SLC3A2: variants seen among roughly 807,000 people sequenced by gnomAD.
SLC3A2 encodes the protein solute carrier family 3 member 2.
In SLC3A2, 32 loss-of-function variants were observed where a neutral mutation model predicts 48.5. That is an observed-to-expected ratio of 0.66 (90% CI 0.50 to 0.89). SLC3A2 has a LOEUF of 0.89. Ranked by LOEUF, SLC3A2 falls within the 40% of genes least tolerant of loss-of-function variation. The pLI, the probability that SLC3A2 is intolerant of heterozygous loss-of-function variation, is 0.00. For missense variants in SLC3A2, 587 were observed against 680.7 expected (o/e 0.86, Z 1.53); for synonymous variants, 277 against 288.8 (o/e 0.96, Z 0.41).
intron 7 of SLC3A2, among the ~76,000 whole-genome samples, chr11:62,887,531 C>T (rs548719108): frequency 3.6e-4 from 54 of 152,090 alleles, no homozygotes; most frequent in South Asian, 1.9e-3. Flanking sequence ...GGTGAAACCC[C>T]GTCTTTACTA....
At chr11:62,882,088 A>C in intron 2 of SLC3A2, 22 bp downstream of exon 2, 1 of 1,613,838 alleles carries the variant, frequency 6.2e-7, no homozygotes, top group South Asian at 1.1e-5. Flanking sequence ...GGGGTTCCCA[A>C]GGAAACAGCT....
intron 1 of SLC3A2, among the ~76,000 whole-genome samples, chr11:62,865,895 C>G (rs2085447648): frequency 6.6e-6 from 1 of 152,108 alleles, no homozygotes; most frequent in Non-Finnish European, 1.5e-5. Flanking sequence ...CCCCGTATAT[C>G]TTGAGTAGCT....
rs1010006638 is a variant in SLC3A2, at chr11:62,881,894, T to C, written c.426T>C (p.Gly142=). The part of the protein sequence containing the change: ...FQGHGAGNLA[G]LKGRLDYLSS... Reference sequence around the variant, plus strand: ...TTGTTAACCCAGCCCCCATTTCAGGTCTGAAGGGGCGTCTCGATTACCTGA... The same window carrying C: ...TTGTTAACCCAGCCCCCATTTCAGGCCTGAAGGGGCGTCTCGATTACCTGA... The change falls in exon 2 of 9, where the codon GGT becomes GGC. Residue 142 remains glycine (G), a splice_region_variant and synonymous_variant. Coordinates refer to ENST00000338663, the MANE Select transcript of SLC3A2 (RefSeq NM_001013251.3). This position sits in a 1 kb window ranked among gnomAD's most constrained non-coding sequence, Gnocchi z 4.0. 1.2e-6 allele frequency: 2 copies of C among 1,613,722 alleles called. No homozygotes were observed. The highest frequency in any genetic ancestry group is 1.1e-5 in the South Asian group (1 of 91,052).
At position 62,881,005 on chromosome 11, in the gene SLC3A2, C is replaced by A; in HGVS notation, c.-19C>A. 1 of 1,542,148 alleles carries A rather than the reference C, an allele frequency of 6.5e-7. No homozygotes were observed. Among genetic ancestry groups the A allele is most frequent in the Non-Finnish European group, 8.8e-7 (1 of 1,141,662 alleles). ...CATCTGACCGCAAGCTGCGTCGTGT[C>A]GCCGGTTCTGCAGGCACCATGAGCC... is the stretch of plus-strand genomic sequence containing the variant. On this transcript the variant is annotated 5_prime_UTR_variant, in exon 1 of 9. Coordinates refer to ENST00000338663, the MANE Select transcript of SLC3A2 (RefSeq NM_001013251.3). The surrounding 1 kb of genome is among the most constrained non-coding windows in gnomAD (Gnocchi z 4.0).
chr11:62,884,754 G>A, intron 5 of SLC3A2, 64 bp downstream of exon 5: 1 of 1,356,788 alleles, frequency 7.4e-7, no homozygotes, highest in Non-Finnish European at 1.0e-6. Flanking sequence ...GGAGTGCTAG[G>A]CCTAAGAAGG....
intron 7 of SLC3A2, chr11:62,887,799 G>T (rs1159569251): frequency 2.9e-5 from 6 of 208,368 alleles, no homozygotes; most frequent in Non-Finnish European, 5.9e-5. Context: ...GTGGGCCCAG[G>T]GCTTTTTTTT....
rs541507991 is a variant in SLC3A2 at position 62,884,813 on chromosome 11, CTTTTTTTTTTTTTTTT to C, written c.818+143_818+158del. ...TTCTTTACCTTTATTCTTTCTTTAG[CTTTTTTTTTTTTTTTT>C]TTTTTTTTTTTTTTTTTTTGAGATG... On this transcript the variant is annotated intron_variant, in intron 5 of 8. Transcript: ENST00000338663. 98 of 55,998 alleles carry C rather than the reference CTTTTTTTTTTTTTTTT, an allele frequency of 1.8e-3. 1 individual carries two copies. The highest frequency in any genetic ancestry group is 1.9e-3 in the Non-Finnish European group (66 of 34,396). The allele number at this position is 55,998 out of a possible 1,614,324, so 3.5% of individuals were successfully genotyped here.
chr11:62,862,091 C>T (rs1036007653), intron 1 of SLC3A2, among the ~76,000 whole-genome samples: 5 of 148,006 alleles, frequency 3.4e-5, no homozygotes, highest in African/African-American at 1.2e-4. Context: ...CCAAGGCAGG[C>T]GGATTACCTG....
intron 1 of SLC3A2, among the ~76,000 whole-genome samples, chr11:62,859,423 ATTTC>A (rs2085374508): frequency 6.6e-6 from 1 of 152,096 alleles, no homozygotes. Context: ...TCCCATGTCT[ATTTC>A]TTTCTACACA....
intron 1 of SLC3A2, among the ~76,000 whole-genome samples, chr11:62,870,145 ATATTCT>A (rs1305053263): frequency 6.6e-6 from 1 of 150,886 alleles, no homozygotes; most frequent in Non-Finnish European, 1.5e-5. Flanking sequence ...GGTCAGAAAG[ATATTCT>A]TATTTTTTTC....
At chr11:62,884,358 C>G (rs1025950308) in intron 3 of SLC3A2, 99 bp from the exon 4 acceptor site, 6 of 1,314,284 alleles carry the variant, frequency 4.6e-6, no homozygotes, top group Admixed American at 1.7e-5. Flanking sequence ...CCCCAGCTCC[C>G]GGGGAAGTGT....
At chr11:62,877,762 G>A (rs577600397), upstream of SLC3A2, among the ~76,000 whole-genome samples, 2 of 152,254 alleles carry the variant, frequency 1.3e-5, no homozygotes, top group South Asian at 2.1e-4. Flanking sequence ...AGTCTGGCAG[G>A]TGTTTGAAGG....
At chr11:62,874,693 T>C (rs1357023753) in intron 1 of SLC3A2, among the ~76,000 whole-genome samples, 6 of 152,090 alleles carry the variant, frequency 3.9e-5, no homozygotes, top group Non-Finnish European at 7.4e-5. Context: ...TTAGTTGGAG[T>C]CTTTTTCTCT....
Position 62,884,447 on chromosome 11 carries a change from C to A in SLC3A2, c.691-10C>A. The A allele has an allele frequency of 6.2e-7, 1 of 1,614,064 alleles. No homozygotes were observed. Among genetic ancestry groups the A allele is most frequent in the Non-Finnish European group, 8.5e-7 (1 of 1,179,958 alleles). ...CTGATGTCTGTCCTTTATTCTTCTG[C>A]CCCCTATAGGATGCTCTGGAGTTTT... On this transcript the variant is annotated splice_polypyrimidine_tract_variant and intron_variant, in intron 3 of 8. Coordinates refer to ENST00000338663, the MANE Select transcript of SLC3A2 (RefSeq NM_001013251.3).
In SLC3A2 at chr11:62,888,520, C is replaced by G. The variant is rs778266571; in HGVS notation, c.1417C>G (p.Leu473Val). 12 of 1,614,102 alleles carry G rather than the reference C, an allele frequency of 7.4e-6. 1 individual carries two copies. The South Asian group carries it at 1.3e-4, about 18-fold the overall frequency. The part of the protein sequence containing the change: ...LVVLNFGDVG[L>V]SAGLQASDLP... ...AGTGCTTAACTTTGGGGATGTGGGCCTCTCGGCTGGACTGCAGGCCTCCGA... is the reference window on the plus strand; with the variant it reads ...AGTGCTTAACTTTGGGGATGTGGGCGTCTCGGCTGGACTGCAGGCCTCCGA... The change falls in exon 9 of 9, where the codon CTC (leucine) becomes GTC (valine). Residue 473 changes from leucine to valine, a missense_variant. Leu to Val is a conservative substitution (Grantham distance 32). This residue lies in a region of SLC3A2 where 169 missense variants were observed against 204.4 expected (regional missense o/e 0.83). Transcript: ENST00000338663.
chr11:62,884,863 C>G (rs948175367), intron 5 of SLC3A2, among the ~76,000 whole-genome samples, 173 bp downstream of exon 5: 1 of 95,432 alleles, frequency 1.0e-5, no homozygotes, highest in Non-Finnish European at 2.0e-5. Context: ...TGGAGTTCCG[C>G]TCTTTTTGCC....
chr11:62,876,862 GA>G, upstream of SLC3A2: 1 of 1,035,842 alleles, frequency 9.7e-7, no homozygotes, highest in Non-Finnish European at 1.2e-6. Flanking sequence ...TCGGCCTCCG[GA>G]AGTGCTGGGA....
At chr11:62,858,778 A>G (rs1261593682) in intron 1 of SLC3A2, among the ~76,000 whole-genome samples, 1 of 152,146 alleles carries the variant, frequency 6.6e-6, no homozygotes, top group Non-Finnish European at 1.5e-5. Flanking sequence ...AAACACGTGA[A>G]CAAAGGTCTT....
At chr11:62,887,138 G>A (rs571788732) in intron 7 of SLC3A2, among the ~76,000 whole-genome samples, 1 of 152,268 alleles carries the variant, frequency 6.6e-6, no homozygotes, top group African/African-American at 2.4e-5. Flanking sequence ...GCACAAGAGA[G>A]CTGGAGGTGG....
Sources: gnomAD v4.1 joint callset for allele counts (sites outside exome capture counted in the v4.1 genomes callset) on GRCh38, gnomAD v4.1.1 for gene constraint, gnomAD v4.1.1 regional missense constraint, Gnocchi (gnomAD v3.1) non-coding constraint, MANE v1.5 for transcripts, NCBI Gene and HGNC (gene_info 2026-07-23, HGNC 2026-07-21) for gene names.